PDCD1LG2: variants seen among roughly 807,000 people sequenced by gnomAD.
PDCD1LG2 encodes programmed cell death 1 ligand 2, also known as B7 dendritic cell molecule.
In PDCD1LG2, 32 loss-of-function variants were observed where a neutral mutation model predicts 28.2. The ratio of observed to expected loss-of-function variants is 1.13; its 90% CI spans 0.86 to 1.52. The LOEUF (loss-of-function observed/expected upper bound fraction) is 1.52. Among genes scored for constraint, PDCD1LG2 ranks in the 40% most tolerant of loss-of-function variants. The pLI, the probability that PDCD1LG2 is intolerant of heterozygous loss-of-function variation, is 0.00. For missense variants in PDCD1LG2, 385 were observed against 323.8 expected, an observed-to-expected ratio of 1.19 and a Z score of -1.45; for synonymous variants, 116 against 120.2, an observed-to-expected ratio of 0.97 and a Z score of 0.23.
At chr9:5,525,158 GCCAA>G (rs1178797807) in intron 2 of PDCD1LG2, among the ~76,000 whole-genome samples, 3 of 152,100 alleles carry the variant, frequency 2.0e-5, no homozygotes, top group Admixed American at 2.0e-4. Context: ...GACCAGCCTG[GCCAA>G]CATGGTGAAA....
chr9:5,544,640 T>C (rs574648764), intron 3 of PDCD1LG2, among the ~76,000 whole-genome samples: 21 of 152,098 alleles, frequency 1.4e-4, no homozygotes, highest in African/African-American at 3.9e-4. Flanking sequence ...ACCTTGTGTA[T>C]TGGGTGGTAA....
chr9:5,515,848 G>T (rs1179263833), intron 1 of PDCD1LG2, among the ~76,000 whole-genome samples: 1 of 144,460 alleles, frequency 6.9e-6, no homozygotes, highest in Non-Finnish European at 1.5e-5. Context: ...ACTTGAACCC[G>T]GGAGGCGGAG....
At chr9:5,542,929 C>T (rs946415032) in intron 3 of PDCD1LG2, among the ~76,000 whole-genome samples, 3 of 151,940 alleles carry the variant, frequency 2.0e-5, no homozygotes, top group Non-Finnish European at 4.4e-5. Context: ...TGGAACCAGC[C>T]CAAATGCCCA....
rs907618520 is a variant in PDCD1LG2, at chr9:5,534,719, G to A, written c.56-26G>A. 1.4e-5 allele frequency: 22 copies of A among 1,563,112 alleles called. No individual in the cohort carries two copies. In the Admixed American group the frequency reaches 3.6e-4, roughly 26 times the overall value. ...GGAATGTAAAGTAAAGGCAGACAATGACAAAATATCTTGTTTTCTTTTCAG... is the reference window on the plus strand; with the variant it reads ...GGAATGTAAAGTAAAGGCAGACAATAACAAAATATCTTGTTTTCTTTTCAG... On this transcript the variant is annotated intron_variant, in intron 2 of 6. Transcript: ENST00000397747.
chr9:5,571,124 C>A lies in PDCD1LG2; in HGVS notation c.*1165C>A. 4.3e-6 allele frequency: 1 copy of A among 232,640 alleles called. No individual in the cohort carries two copies. The highest frequency in any genetic ancestry group is 8.5e-6 in the Non-Finnish European group (1 of 117,666). 14.4% of individuals were successfully genotyped at this position (232,640 alleles called of 1,614,324 possible). ...GCCTAAAGCAAGCTCCTTAACTGAG[C>A]AAAATTTGGGGCTTATGAGAATGAA... On this transcript the variant is annotated 3_prime_UTR_variant, in exon 7 of 7. Coordinates refer to ENST00000397747, the MANE Select transcript of PDCD1LG2 (RefSeq NM_025239.4).
intron 3 of PDCD1LG2, among the ~76,000 whole-genome samples, chr9:5,535,755 AAG>A (rs1820568669): frequency 6.6e-6 from 1 of 152,202 alleles, no homozygotes. Context: ...TGGGTAGCCC[AAG>A]AGAGTCCCAT....
intron 3 of PDCD1LG2, among the ~76,000 whole-genome samples, chr9:5,538,422 A>T (rs1345914550): frequency 6.6e-6 from 1 of 151,440 alleles, no homozygotes; most frequent in African/African-American, 2.4e-5. Context: ...GCGGTGGCTC[A>T]CGACCGTAAT....
chr9:5,511,040 T>A (rs1382790074), intron 1 of PDCD1LG2, among the ~76,000 whole-genome samples: 1 of 152,244 alleles, frequency 6.6e-6, no homozygotes. Flanking sequence ...GTGAGATATT[T>A]TCTGCACCAA....
intron 3 of PDCD1LG2, among the ~76,000 whole-genome samples, chr9:5,542,797 C>A (rs954744771): frequency 6.6e-6 from 1 of 152,066 alleles, no homozygotes; most frequent in Non-Finnish European, 1.5e-5. Flanking sequence ...AAAAGTAGAT[C>A]TACCATTTGA....
intron 4 of PDCD1LG2, among the ~76,000 whole-genome samples, chr9:5,552,780 G>C (rs1365165215): frequency 6.6e-6 from 1 of 152,076 alleles, no homozygotes; most frequent in Non-Finnish European, 1.5e-5. Context: ...CCCTGATACA[G>C]TTTTCAGAGG....
chr9:5,523,262 T>C (rs1488328733), intron 2 of PDCD1LG2, among the ~76,000 whole-genome samples: 1 of 152,140 alleles, frequency 6.6e-6, no homozygotes, highest in Non-Finnish European at 1.5e-5. Flanking sequence ...GTTCAGACCA[T>C]TCGAGGGTGT....
intron 3 of PDCD1LG2, among the ~76,000 whole-genome samples, chr9:5,536,009 T>C (rs777500073): frequency 4.6e-5 from 7 of 152,182 alleles, no homozygotes; most frequent in Non-Finnish European, 1.0e-4. Flanking sequence ...CTCCCACGCA[T>C]TGGACCTCAG....
chr9:5,546,966 G>T (rs1816223032), intron 3 of PDCD1LG2, among the ~76,000 whole-genome samples: 1 of 152,118 alleles, frequency 6.6e-6, no homozygotes, highest in Non-Finnish European at 1.5e-5. Flanking sequence ...AGTGAACCCA[G>T]ATCTAGTGGG....
chr9:5,516,988 G>A (rs1470327519), intron 1 of PDCD1LG2, among the ~76,000 whole-genome samples: 1 of 152,214 alleles, frequency 6.6e-6, no homozygotes, highest in Non-Finnish European at 1.5e-5. Context: ...TACGGGGCGG[G>A]ACTCCCACCT....
At chr9:5,566,377 G>T (rs1236391168) in intron 6 of PDCD1LG2, among the ~76,000 whole-genome samples, 2 of 152,150 alleles carry the variant, frequency 1.3e-5, no homozygotes, top group African/African-American at 4.8e-5. Flanking sequence ...TTGCCTTTGT[G>T]CACATGATAG....
intron 2 of PDCD1LG2, among the ~76,000 whole-genome samples, chr9:5,525,510 T>A (rs921720462): frequency 3.3e-5 from 5 of 151,428 alleles, no homozygotes; most frequent in African/African-American, 1.2e-4. Flanking sequence ...AGAATATATA[T>A]TATATATATA....
chr9:5,569,089 G>A lies in PDCD1LG2; in HGVS notation c.817-865G>A, dbSNP rs1328418911. 6.6e-6 allele frequency among the ~76,000 whole-genome samples: 1 copy of A among 152,180 alleles called. No homozygotes were observed. The highest frequency in any genetic ancestry group is 6.5e-5 in the Admixed American group (1 of 15,278). On this transcript the variant is annotated intron_variant, in intron 6 of 6. Transcript: ENST00000397747. The surrounding 1 kb of genome is among the most constrained non-coding windows in gnomAD (Gnocchi z 4.1). ...AGAGAAAGCCAGGTGTGAGATAAGG[G>A]GGAAAGACTGTTAGGGCATGTATTG...
intron 2 of PDCD1LG2, among the ~76,000 whole-genome samples, chr9:5,532,451 G>C (rs918868675): frequency 3.9e-5 from 6 of 152,226 alleles, no homozygotes; most frequent in Non-Finnish European, 8.8e-5. Context: ...TTGATGAAAG[G>C]AAAGCAGAGG....
At chr9:5,530,993 G>A (rs1243124567) in intron 2 of PDCD1LG2, among the ~76,000 whole-genome samples, 2 of 152,204 alleles carry the variant, frequency 1.3e-5, no homozygotes, top group African/African-American at 4.8e-5. Context: ...GCTTGCACGT[G>A]CAAATGTTAC....
Sources: allele counts gnomAD v4.1 joint callset (sites outside exome capture counted in the v4.1 genomes callset), GRCh38; gene constraint gnomAD v4.1.1; non-coding constraint Gnocchi (gnomAD v3.1); transcripts MANE v1.5; gene names NCBI Gene and HGNC (gene_info 2026-07-23, HGNC 2026-07-21).